Variants in GTPBP4 observed in about 807,000 individuals in gnomAD.
GTPBP4 encodes the protein GTP binding protein 4.
In GTPBP4, 15 loss-of-function variants were observed where a neutral mutation model predicts 81.7. The ratio of observed to expected loss-of-function variants is 0.18; its 90% CI spans 0.12 to 0.28. GTPBP4 has a LOEUF of 0.28. GTPBP4 is among the 10% of genes least tolerant of loss of function. The pLI is 1.00. For synonymous variants in GTPBP4, 272 were observed against 274.6 expected (o/e 0.99, Z 0.09); for missense variants, 847 against 793.8 (o/e 1.07, Z -0.81).
intron 9 of GTPBP4, among the ~76,000 whole-genome samples, chr10:1,006,404 T>C (rs1564469034): frequency 1.3e-5 from 2 of 152,148 alleles, no homozygotes; most frequent in African/African-American, 2.4e-5. Context: ...TTTGGGAGGC[T>C]GAGGCGGGTA....
chr10:1,006,068 C>G (rs906203028), intron 9 of GTPBP4, among the ~76,000 whole-genome samples, 161 bp downstream of exon 9: 1 of 152,204 alleles, frequency 6.6e-6, no homozygotes, highest in Non-Finnish European at 1.5e-5. Context: ...TGAAGACAGA[C>G]CCTTCTAAGA....
chr10:1,017,186 C>T lies in GTPBP4; in HGVS notation c.1864C>T (p.Leu622=). The T allele has an allele frequency of 1.2e-6, 2 of 1,613,950 alleles. No individual in the cohort carries two copies. Among genetic ancestry groups the T allele is most frequent in the Non-Finnish European group, 1.7e-6 (2 of 1,179,860 alleles). ...HVFDMKPKHL[L]SGKRKAGKKD... ...GTTTGATATGAAGCCCAAGCACTTGCTGTCTGGGAAGAGGAAAGCTGGTAA... is the reference window on the plus strand; with the variant it reads ...GTTTGATATGAAGCCCAAGCACTTGTTGTCTGGGAAGAGGAAAGCTGGTAA... Residue 622 remains leucine, a synonymous_variant, in exon 17 of 17, where the codon CTG becomes TTG. Coordinates refer to ENST00000360803, the MANE Select transcript of GTPBP4 (RefSeq NM_012341.3).
intron 11 of GTPBP4, 98 bp downstream of exon 11, chr10:1,009,133 G>A (rs1831805067): frequency 1.2e-6 from 1 of 848,500 alleles, no homozygotes; most frequent in Non-Finnish European, 1.9e-6. Flanking sequence ...AGCCGCGGGT[G>A]CCCAGACACT....
rs1350534951 is a variant in GTPBP4 at position 1,009,147 on chromosome 10, C to T, written c.1191+112C>T. The T allele has an allele frequency of 5.4e-6, 4 of 739,058 alleles. No homozygotes were observed. The East Asian group carries it at 1.0e-4, about 19-fold the overall frequency. 45.8% of individuals were successfully genotyped at this position (739,058 alleles called of 1,614,324 possible). On this transcript the variant is annotated intron_variant, in intron 11 of 16. Coordinates refer to ENST00000360803, the MANE Select transcript of GTPBP4 (RefSeq NM_012341.3). ...GAGCCGCGGGTGCCCAGACACTGGC[C>T]CCGTCAGGCTGCGGACACAGCAGTG...
intron 8 of GTPBP4, among the ~76,000 whole-genome samples, chr10:1,002,214 C>T (rs1029217954): frequency 7.2e-5 from 11 of 152,104 alleles, no homozygotes; most frequent in African/African-American, 2.7e-4. Flanking sequence ...TGAGCCACTG[C>T]GCCTGGCCTA....
chr10:992,984 C>T (rs1831472488), intron 2 of GTPBP4, among the ~76,000 whole-genome samples: 1 of 152,156 alleles, frequency 6.6e-6, no homozygotes, highest in African/African-American at 2.4e-5. Flanking sequence ...GTTATGAACA[C>T]AGAAGCTAGC....
intron 2 of GTPBP4, 97 bp from the exon 3 acceptor site, chr10:995,832 C>T: frequency 4.3e-6 from 3 of 693,906 alleles, no homozygotes; most frequent in Non-Finnish European, 2.6e-6. Flanking sequence ...GGAGACACTG[C>T]AGGCGTGGAG....
At chr10:1,000,897 A>G in intron 7 of GTPBP4, 29 bp downstream of exon 7, 2 of 1,609,882 alleles carry the variant, frequency 1.2e-6, no homozygotes, top group Admixed American at 1.7e-5. Context: ...GTTTTGCTTC[A>G]TATCCTGCAG....
Position 996,174 on chromosome 10 carries a change from G to A in GTPBP4, c.392G>A (p.Arg131His), listed in dbSNP as rs201468419. ...CTCTACCGCTGCAAACAGCTGAAGC[G>A]TGCGGCCCTGGGACGGATGTGCACA... ...DSLYRCKQLK[R>H]AALGRMCTVI... is the part of the protein sequence containing the mutation. The change falls in exon 4 of 17, where the codon CGT (arginine) becomes CAT (histidine). Residue 131 changes from arginine to histidine, a missense_variant. Coordinates refer to ENST00000360803, the MANE Select transcript of GTPBP4 (RefSeq NM_012341.3). 1.0e-4 allele frequency: 169 copies of A among 1,613,832 alleles called. 1 individual carries two copies. Among genetic ancestry groups the A allele is most frequent in the Non-Finnish European group, 1.3e-4 (155 of 1,179,720 alleles).
chr10:1,004,520 G>A (rs970103980), intron 8 of GTPBP4, among the ~76,000 whole-genome samples: 5 of 152,084 alleles, frequency 3.3e-5, no homozygotes, highest in East Asian at 3.9e-4. Flanking sequence ...ACTCTTCTGG[G>A]CGCCCCAGGC....
chr10:1,017,388 G>T lies in GTPBP4; in HGVS notation c.*161G>T. 2 of 577,930 alleles carry T rather than the reference G, an allele frequency of 3.5e-6. No homozygotes were observed. The highest frequency in any genetic ancestry group is 3.3e-5 in the Admixed American group (1 of 30,424). 35.8% of individuals were successfully genotyped at this position (577,930 alleles called of 1,614,324 possible). On this transcript the variant is annotated 3_prime_UTR_variant, in exon 17 of 17. Transcript: ENST00000360803. The stretch of plus-strand genomic sequence containing the variant: ...AAACTATGGTTAACCCTATATAGGT[G>T]TGGGAAATTTTTGTCACTGCATAAT...
At position 1,014,477 on chromosome 10, in the gene GTPBP4, A is replaced by G. The variant is rs1020594101; in HGVS notation, c.1608+165A>G. On this transcript the variant is annotated intron_variant, in intron 15 of 16. Transcript: ENST00000360803. ...CGAGACCAGCCTGGCCAACATGGTG[A>G]AACCCAGTCTGTACTAAAAAAAATA... Among the ~76,000 whole-genome samples the G allele has an allele frequency of 9.9e-5, 15 of 152,156 alleles. 1 individual carries two copies. The South Asian group carries it at 2.1e-3, about 21-fold the overall frequency.
chr10:1,012,197 C>T (rs1011253462), intron 13 of GTPBP4, among the ~76,000 whole-genome samples: 15 of 152,260 alleles, frequency 9.9e-5, no homozygotes, highest in Non-Finnish European at 2.1e-4. Flanking sequence ...CATTTTTAGC[C>T]TTGGAATTTA....
chr10:1,011,783 C>T (rs534630863), intron 13 of GTPBP4, among the ~76,000 whole-genome samples: 293 of 152,366 alleles, frequency 1.9e-3, no homozygotes, highest in African/African-American at 6.6e-3. Context: ...CAGTCCAGCC[C>T]GTGCCCTCAC....
intron 15 of GTPBP4, 122 bp downstream of exon 15, chr10:1,014,434 A>C: frequency 3.0e-6 from 2 of 666,386 alleles, no homozygotes; most frequent in Admixed American, 2.1e-5. Flanking sequence ...AGGCGGGCAG[A>C]TCATGATGTC....
intron 5 of GTPBP4, among the ~76,000 whole-genome samples, chr10:998,075 A>T (rs1831564083): frequency 6.6e-6 from 1 of 152,046 alleles, no homozygotes; most frequent in South Asian, 2.1e-4. Context: ...ATTTTTAATT[A>T]AAAAAATTTT....
chr10:1,007,164 T>A, intron 10 of GTPBP4, 36 bp downstream of exon 10: 1 of 1,154,410 alleles, frequency 8.7e-7, no homozygotes, highest in Non-Finnish European at 1.3e-6. Context: ...GGGCTCACAG[T>A]ACTGTCAGCA....
In GTPBP4 at chr10:1,000,813, G is replaced by C; in HGVS notation, c.791G>C (p.Gly264Ala). Residue 264 changes from glycine (G) to alanine (A), a missense_variant, in exon 7 of 17, where the codon GGG becomes GCG. Coordinates refer to ENST00000360803, the MANE Select transcript of GTPBP4 (RefSeq NM_012341.3). ...GATTTGTCTGAGCAGTGTGGGCATG[G>C]GCTGAGGGAGCAGCTAGAACTCTTC... ...VMDLSEQCGH[G>A]LREQLELFQN... 1 of 1,611,268 alleles carries C rather than the reference G, an allele frequency of 6.2e-7. No homozygotes were observed. Among genetic ancestry groups the C allele is most frequent in the Non-Finnish European group, 8.5e-7 (1 of 1,178,414 alleles).
chr10:1,009,652 G>C, intron 12 of GTPBP4, 72 bp downstream of exon 12: 1 of 873,804 alleles, frequency 1.1e-6, no homozygotes, highest in Non-Finnish European at 2.0e-6. Flanking sequence ...ATGGGGGAAA[G>C]ACTTTAATAA....
Sources: gnomAD v4.1 joint callset for allele counts (sites outside exome capture counted in the v4.1 genomes callset) on GRCh38, gnomAD v4.1.1 for gene constraint, MANE v1.5 for transcripts, NCBI Gene and HGNC (gene_info 2026-07-23, HGNC 2026-07-21) for gene names.